Variants in RCAN2 observed in about 807,000 individuals in gnomAD.
RCAN2 encodes regulator of calcineurin 2.
A neutral mutation model predicts 23.6 loss-of-function variants in RCAN2; 9 were observed. The ratio of observed to expected loss-of-function variants is 0.38; its 90% CI spans 0.23 to 0.67. The LOEUF is 0.67. Ranked by LOEUF, RCAN2 falls within the 30% of genes least tolerant of loss-of-function variation. The pLI, the probability that RCAN2 is intolerant of heterozygous loss-of-function variation, is 0.51. For missense variants in RCAN2, 273 were observed against 302.3 expected, an observed-to-expected ratio of 0.90 and a Z score of 0.72; for synonymous variants, 109 against 115.7, an observed-to-expected ratio of 0.94 and a Z score of 0.37.
At chr6:46,280,026 G>A (rs796338129) in intron 2 of RCAN2, among the ~76,000 whole-genome samples, 4 of 152,130 alleles carry the variant, frequency 2.6e-5, no homozygotes, top group African/African-American at 9.7e-5. Context: ...CAGAGTCTTG[G>A]TCAAGATCAC....
chr6:46,327,619 C>T (rs923166145), intron 2 of RCAN2, among the ~76,000 whole-genome samples: 2 of 152,196 alleles, frequency 1.3e-5, no homozygotes, highest in Admixed American at 6.5e-5. Context: ...ATATCACTGG[C>T]ATCTGTTCAA....
Position 46,458,894 on chromosome 6 carries a change from CACGT to C in RCAN2, c.-2-1920_-2-1917del, listed in dbSNP as rs993057643. Among the ~76,000 whole-genome samples the C allele has an allele frequency of 9.5e-4, 125 of 131,064 alleles. 1 individual carries two copies. Among genetic ancestry groups the C allele is most frequent in the African/African-American group, 3.3e-3 (118 of 35,928 alleles). 86.0% of individuals were successfully genotyped at this position (131,064 alleles called of 152,430 possible). A position where few individuals can be genotyped will look rare whatever the true frequency, so the allele number is the denominator to read the frequency against. ...AATAGTTTACAGGAAAACGCGCGCG[CACGT>C]GTGTGTGTGTGTGATGGAGTTTTGC... On this transcript the variant is annotated intron_variant, in intron 1 of 4. Coordinates refer to ENST00000371374, the MANE Select transcript of RCAN2 (RefSeq NM_001251974.2).
At position 46,291,185 on chromosome 6, in the gene RCAN2, C is replaced by A. The variant is rs1234105832; in HGVS notation, c.226-42289G>T. ...TTTAATCACTGTGTTTCTAAGAGGT[C>A]TTTTATTTATATCTTAAAAACTCAA... On this transcript the variant is annotated intron_variant, in intron 2 of 4. Coordinates refer to ENST00000371374, the MANE Select transcript of RCAN2 (RefSeq NM_001251974.2). Among the ~76,000 whole-genome samples, 4 of 151,374 alleles carry A rather than the reference C, an allele frequency of 2.6e-5. No homozygotes were observed. In the South Asian group the frequency reaches 6.3e-4, roughly 24 times the overall value.
intron 4 of RCAN2, among the ~76,000 whole-genome samples, chr6:46,225,196 G>A (rs1216027378): frequency 6.6e-6 from 1 of 152,144 alleles, no homozygotes; most frequent in East Asian, 1.9e-4. Context: ...TGGACATTTG[G>A]GTTGGTTCCA....
At chr6:46,346,170 A>G (rs1192534110) in intron 2 of RCAN2, among the ~76,000 whole-genome samples, 1 of 152,138 alleles carries the variant, frequency 6.6e-6, no homozygotes, top group East Asian at 1.9e-4. Flanking sequence ...GAAATTTTAA[A>G]AATATTTTAA....
chr6:46,241,365 G>A (rs1383040181), intron 4 of RCAN2, among the ~76,000 whole-genome samples: 1 of 152,124 alleles, frequency 6.6e-6, no homozygotes, highest in African/African-American at 2.4e-5. Flanking sequence ...TTAAACTGAT[G>A]GGCTTCTACA....
intron 1 of RCAN2, among the ~76,000 whole-genome samples, chr6:46,474,594 A>G (rs1768660001): frequency 6.6e-6 from 1 of 152,218 alleles, no homozygotes; most frequent in Non-Finnish European, 1.5e-5. Flanking sequence ...GGAAAGGAAG[A>G]GACAGGTATG....
intron 2 of RCAN2, among the ~76,000 whole-genome samples, chr6:46,447,541 T>C (rs1319162617): frequency 6.6e-6 from 1 of 151,944 alleles, no homozygotes; most frequent in Admixed American, 6.5e-5. Context: ...CAGCAGGATA[T>C]ATATACATTC....
chr6:46,350,598 C>G (rs1430920334), intron 2 of RCAN2, among the ~76,000 whole-genome samples: 1 of 152,218 alleles, frequency 6.6e-6, no homozygotes, highest in Admixed American at 6.5e-5. Flanking sequence ...TAAAACTGAT[C>G]TGCTTCTTTA....
At chr6:46,256,476 G>A (rs1369445934) in intron 2 of RCAN2, among the ~76,000 whole-genome samples, 2 of 152,142 alleles carry the variant, frequency 1.3e-5, no homozygotes, top group Non-Finnish European at 2.9e-5. Flanking sequence ...CACAGATCCA[G>A]GCCGAACTCA....
chr6:46,296,147 G>A (rs1050837308), intron 2 of RCAN2, among the ~76,000 whole-genome samples: 20 of 150,210 alleles, frequency 1.3e-4, no homozygotes, highest in African/African-American at 3.7e-4. Flanking sequence ...TTGATTTCCC[G>A]ACTGGGAAAG....
At chr6:46,258,133 T>C (rs995117008) in intron 2 of RCAN2, among the ~76,000 whole-genome samples, 2 of 152,234 alleles carry the variant, frequency 1.3e-5, no homozygotes, top group African/African-American at 4.8e-5. Context: ...TAATACCTAC[T>C]AGAAACTGCC....
chr6:46,403,791 G>A (rs547556486), intron 2 of RCAN2, among the ~76,000 whole-genome samples: 1 of 152,100 alleles, frequency 6.6e-6, no homozygotes, highest in East Asian at 1.9e-4. Context: ...AGTAAAAAAC[G>A]TTTTACAAAA....
chr6:46,263,266 T>C (rs1582042744), intron 2 of RCAN2, among the ~76,000 whole-genome samples: 1 of 152,190 alleles, frequency 6.6e-6, no homozygotes, highest in African/African-American at 2.4e-5. Flanking sequence ...ACTAAACATA[T>C]GTATTAAGAT....
chr6:46,257,932 A>G (rs562727134), intron 2 of RCAN2, among the ~76,000 whole-genome samples: 5 of 152,248 alleles, frequency 3.3e-5, no homozygotes, highest in Admixed American at 2.0e-4. Context: ...TTCCTTGTCA[A>G]TCCAAAAGAA....
At chr6:46,401,102 AAAT>A (rs1415800209) in intron 2 of RCAN2, among the ~76,000 whole-genome samples, 1 of 152,220 alleles carries the variant, frequency 6.6e-6, no homozygotes, top group African/African-American at 2.4e-5. Context: ...CCCAGGAGTT[AAAT>A]TAGACCCAGA....
chr6:46,294,576 AT>A (rs1383516058), intron 2 of RCAN2, among the ~76,000 whole-genome samples: 5 of 152,164 alleles, frequency 3.3e-5, no homozygotes, highest in Admixed American at 6.6e-5. Context: ...TGGTTCATCC[AT>A]TTCATTTTCT....
At chr6:46,436,281 C>T (rs72866420) in intron 2 of RCAN2, among the ~76,000 whole-genome samples, 34,390 of 152,210 alleles carry the variant, frequency 0.23, 4,963 homozygotes, top group Non-Finnish European at 0.32. Context: ...GGCACAATCT[C>T]GGCTCACTGC....
chr6:46,285,176 A>G (rs1277764596), intron 2 of RCAN2, among the ~76,000 whole-genome samples: 2 of 152,240 alleles, frequency 1.3e-5, no homozygotes, highest in African/African-American at 2.4e-5. Flanking sequence ...ATGTGTGTGT[A>G]TGCGTAAAAT....
Sources: allele counts gnomAD v4.1 joint callset (sites outside exome capture counted in the v4.1 genomes callset), GRCh38; gene constraint gnomAD v4.1.1; transcripts MANE v1.5; gene names NCBI Gene and HGNC (gene_info 2026-07-23, HGNC 2026-07-21).